GRID2: variants seen among roughly 807,000 people sequenced by gnomAD.
GRID2 encodes the protein glutamate receptor ionotropic, delta-2.
Under a neutral mutation model 114.8 loss-of-function variants are expected in GRID2, and 33 were observed. The observed-to-expected ratio is 0.29, with a 90% CI of 0.22 to 0.38. The LOEUF (loss-of-function observed/expected upper bound fraction) is 0.38, where lower values mean the gene tolerates loss of function less well. GRID2 is among the 10% of genes least tolerant of loss of function. GRID2 has a pLI of 1.00. For missense variants in GRID2, 1,184 were observed against 1,257.7 expected (o/e 0.94, Z 0.89); for synonymous variants, 505 against 449.9 (o/e 1.12, Z -1.55).
chr4:92,641,429 C>T (rs906816402), intron 2 of GRID2, among the ~76,000 whole-genome samples: 7 of 147,252 alleles, frequency 4.8e-5, no homozygotes, highest in East Asian at 2.0e-4. Flanking sequence ...TACATGCCAC[C>T]GAGCCTGGCC....
At chr4:93,727,398 T>C (rs1046755824) in intron 14 of GRID2, among the ~76,000 whole-genome samples, 5 of 152,240 alleles carry the variant, frequency 3.3e-5, no homozygotes, top group Non-Finnish European at 5.9e-5. Context: ...CAGTATTTTA[T>C]TGAGGATTTT....
intron 10 of GRID2, among the ~76,000 whole-genome samples, chr4:93,429,467 C>A (rs1307273169): frequency 6.6e-6 from 1 of 152,176 alleles, no homozygotes; most frequent in East Asian, 1.9e-4. Flanking sequence ...ATGGTTATTA[C>A]AATGGAAGAT....
At position 93,769,345 on chromosome 4, in the gene GRID2, A is replaced by C. The variant is rs544336452; in HGVS notation, c.2496A>C (p.Ala832=). 1.9e-6 allele frequency: 3 copies of C among 1,614,030 alleles called. No homozygotes were observed. The highest frequency in any genetic ancestry group is 1.1e-5 in the South Asian group (1 of 91,078). The change falls in exon 15 of 16, where the codon GCA becomes GCC. Residue 832 remains alanine, a synonymous_variant. Coordinates refer to ENST00000282020, the MANE Select transcript of GRID2 (RefSeq NM_001510.4). ...KGGALDIKSF[A]GVFCILAAGI... is the part of the protein sequence containing the mutation. Reference sequence around the variant, plus strand: ...GCGCCCTGGACATAAAGAGCTTTGCAGGGGTCTTTTGTATCCTGGCTGCTG... The same window carrying C: ...GCGCCCTGGACATAAAGAGCTTTGCCGGGGTCTTTTGTATCCTGGCTGCTG...
chr4:93,237,870 G>A (rs1474176706), intron 7 of GRID2, among the ~76,000 whole-genome samples: 2 of 151,624 alleles, frequency 1.3e-5, no homozygotes, highest in Non-Finnish European at 3.0e-5. Flanking sequence ...TTTAAAGAAG[G>A]GGCAAAAAAA....
At chr4:93,563,178 T>C (rs1261373632) in intron 13 of GRID2, among the ~76,000 whole-genome samples, 3 of 152,058 alleles carry the variant, frequency 2.0e-5, no homozygotes, top group Non-Finnish European at 1.5e-5. Context: ...CTTAGGTAAG[T>C]AAATGCAAGT....
chr4:93,005,614 G>A, intron 2 of GRID2, among the ~76,000 whole-genome samples: 1 of 151,894 alleles, frequency 6.6e-6, no homozygotes, highest in East Asian at 1.9e-4. Context: ...GTTCATAGTA[G>A]CACTATTCAA....
At chr4:93,176,772 C>T (rs2149429813) in intron 4 of GRID2, among the ~76,000 whole-genome samples, 1 of 152,272 alleles carries the variant, frequency 6.6e-6, no homozygotes, top group South Asian at 2.1e-4. Flanking sequence ...TCCAGTTTAA[C>T]ACAGAATTCT....
chr4:92,493,409 A>G (rs1412342292), intron 1 of GRID2, among the ~76,000 whole-genome samples: 2 of 152,176 alleles, frequency 1.3e-5, no homozygotes, highest in Non-Finnish European at 2.9e-5. Context: ...CAGAAATCAT[A>G]GTGGACAAGA....
At chr4:93,046,912 T>C (rs575763399) in intron 2 of GRID2, among the ~76,000 whole-genome samples, 4 of 151,980 alleles carry the variant, frequency 2.6e-5, no homozygotes, top group Admixed American at 2.0e-4. Context: ...AAATAATTTA[T>C]GTGGCTACTC....
chr4:92,730,561 A>C (rs1011596610), intron 2 of GRID2, among the ~76,000 whole-genome samples: 2 of 151,968 alleles, frequency 1.3e-5, no homozygotes, highest in African/African-American at 2.4e-5. Flanking sequence ...ATTTGCTTTG[A>C]AATATATTTA....
intron 9 of GRID2, among the ~76,000 whole-genome samples, chr4:93,404,212 A>T (rs1766188625): frequency 6.6e-6 from 1 of 152,092 alleles, no homozygotes; most frequent in Admixed American, 6.6e-5. Context: ...GTAATTCGTG[A>T]TTGCCTAGGT....
chr4:93,580,381 A>G (rs1056914802), intron 13 of GRID2, among the ~76,000 whole-genome samples: 2 of 152,196 alleles, frequency 1.3e-5, no homozygotes, highest in Non-Finnish European at 2.9e-5. Context: ...TGTTGATGCA[A>G]TAGCACCCAC....
At chr4:92,717,476 A>G (rs1735606083) in intron 2 of GRID2, among the ~76,000 whole-genome samples, 1 of 152,206 alleles carries the variant, frequency 6.6e-6, no homozygotes, top group African/African-American at 2.4e-5. Flanking sequence ...TTGACGAGCT[A>G]TAAAGCATAT....
intron 14 of GRID2, among the ~76,000 whole-genome samples, chr4:93,669,767 T>C (rs1193769445): frequency 6.6e-6 from 1 of 152,074 alleles, no homozygotes; most frequent in East Asian, 1.9e-4. Context: ...TTTGAAAAAG[T>C]CAGTCCTCAA....
chr4:93,318,037 A>G (rs1335634398), intron 8 of GRID2, among the ~76,000 whole-genome samples: 1 of 134,686 alleles, frequency 7.4e-6, no homozygotes, highest in African/African-American at 2.7e-5. Flanking sequence ...ACTTTCTTCA[A>G]GCAGTTGGTG....
intron 8 of GRID2, among the ~76,000 whole-genome samples, chr4:93,391,486 G>A (rs1393906095): frequency 1.3e-5 from 2 of 152,120 alleles, no homozygotes; most frequent in African/African-American, 4.8e-5. Flanking sequence ...TTTGTGTCCG[G>A]CAGCTGGAGC....
intron 8 of GRID2, among the ~76,000 whole-genome samples, chr4:93,309,096 T>C (rs1364240085): frequency 6.6e-6 from 1 of 152,192 alleles, no homozygotes; most frequent in Non-Finnish European, 1.5e-5. Flanking sequence ...TAATACATTA[T>C]ATATTTATCA....
chr4:93,191,041 A>T (rs1347450418), intron 4 of GRID2, among the ~76,000 whole-genome samples: 1 of 152,086 alleles, frequency 6.6e-6, no homozygotes, highest in Non-Finnish European at 1.5e-5. Flanking sequence ...ATGATCTGGC[A>T]TAATTGCAAG....
intron 14 of GRID2, among the ~76,000 whole-genome samples, chr4:93,705,498 A>C (rs1727917470): frequency 6.6e-6 from 1 of 151,722 alleles, no homozygotes; most frequent in Non-Finnish European, 1.5e-5. Flanking sequence ...TGCCCAGCTA[A>C]TTTTTGTATT....
Sources: allele counts gnomAD v4.1 joint callset (sites outside exome capture counted in the v4.1 genomes callset), GRCh38; gene constraint gnomAD v4.1.1; transcripts MANE v1.5; gene names NCBI Gene and HGNC (gene_info 2026-07-23, HGNC 2026-07-21).